The following ZNF507 variants were observed in gnomAD, a reference collection of about 807,000 sequenced individuals.
The protein encoded by ZNF507 is zinc finger protein 507.
A neutral mutation model predicts 80.0 loss-of-function variants in ZNF507; 29 were observed. The observed-to-expected ratio is 0.36, with a 90% CI of 0.27 to 0.49. ZNF507 has a LOEUF of 0.49. ZNF507 is among the 20% of genes least tolerant of loss of function. ZNF507 has a pLI of 0.98. For synonymous variants in ZNF507, 462 were observed against 422.5 expected (o/e 1.09, Z -1.15); for missense variants, 1,081 against 1,152.2 (o/e 0.94, Z 0.90).
chr19:32,364,229 A>G (rs1405129363), intron 5 of ZNF507, among the ~76,000 whole-genome samples: 1 of 152,222 alleles, frequency 6.6e-6, no homozygotes, highest in Non-Finnish European at 1.5e-5. Context: ...AAATGACATC[A>G]TTCTATCCCA....
chr19:32,376,231 A>G (rs1330146983), intron 5 of ZNF507, among the ~76,000 whole-genome samples: 1 of 152,178 alleles, frequency 6.6e-6, no homozygotes, highest in Non-Finnish European at 1.5e-5. Flanking sequence ...TAATGGTTAT[A>G]TCTAGTGATA....
intron 5 of ZNF507, among the ~76,000 whole-genome samples, chr19:32,371,534 G>C (rs1206250473): frequency 2.6e-5 from 4 of 151,742 alleles, no homozygotes; most frequent in African/African-American, 9.7e-5. Flanking sequence ...CTTATCTCTG[G>C]AAAGGAAGGG....
At position 32,353,482 on chromosome 19, in the gene ZNF507, G is replaced by A. The variant is rs769922258; in HGVS notation, c.652G>A (p.Val218Met). ...NETIPDIPVS[V>M]DNLQTHTVQT... ...AACCATTCCAGATATCCCAGTAAGT[G>A]TGGACAATCTACAGACTCATACTGT... Residue 218 changes from valine to methionine, a missense_variant, in exon 3 of 7, where the codon GTG (valine) becomes ATG (methionine). Val to Met is a conservative substitution (Grantham distance 21). This residue lies in a region of ZNF507 where 275 missense variants were observed against 303.9 expected (regional missense o/e 0.90). Transcript: ENST00000355898. 1.2e-6 allele frequency: 2 copies of A among 1,614,100 alleles called. No individual in the cohort carries two copies. Among genetic ancestry groups the A allele is most frequent in the Non-Finnish European group, 1.7e-6 (2 of 1,180,054 alleles).
At position 32,352,951 on chromosome 19, in the gene ZNF507, C is replaced by G. The variant is rs1415224368; in HGVS notation, c.121C>G (p.Pro41Ala). 1 of 1,614,112 alleles carries G rather than the reference C, an allele frequency of 6.2e-7. No homozygotes were observed. Among genetic ancestry groups the G allele is most frequent in the Admixed American group, 1.7e-5 (1 of 60,020 alleles). The change falls in exon 3 of 7, where the codon CCA (proline) becomes GCA (alanine). Residue 41 changes from proline to alanine, a missense_variant. Physicochemically the swap from Pro to Ala is conservative, Grantham distance 27. Around this residue, in one of 6 missense-constraint regions of ZNF507, gnomAD observed 275 missense variants for 303.9 expected, o/e 0.90. Transcript: ENST00000355898. Reference sequence around the variant, plus strand: ...AATTGATGAACAAAGAAAAACTAAACCAGATCCATTAATCCATGTTATCCA... The same window carrying G: ...AATTGATGAACAAAGAAAAACTAAAGCAGATCCATTAATCCATGTTATCCA... Reference protein sequence around the residue: ...LEIDEQRKTKPDPLIHVIQKL... With the variant: ...LEIDEQRKTKADPLIHVIQKL...
chr19:32,360,692 A>C, intron 5 of ZNF507, 74 bp downstream of exon 5: 1 of 770,292 alleles, frequency 1.3e-6, no homozygotes, highest in Non-Finnish European at 1.9e-6. Flanking sequence ...ATGAAATAAA[A>C]ATGTATAGCA....
chr19:32,372,197 T>C (rs1967483280), intron 5 of ZNF507, among the ~76,000 whole-genome samples: 1 of 152,130 alleles, frequency 6.6e-6, no homozygotes, highest in African/African-American at 2.4e-5. Context: ...GGATTAAAAA[T>C]CTATAGTATG....
At chr19:32,352,774 T>C in intron 2 of ZNF507, 55 bp from the exon 3 acceptor site, 1 of 1,445,482 alleles carries the variant, frequency 6.9e-7, no homozygotes, top group South Asian at 1.4e-5. Context: ...CCAAATTACA[T>C]GCCTGTAATT....
At chr19:32,349,675 G>A (rs1967138137) in intron 2 of ZNF507, among the ~76,000 whole-genome samples, 1 of 152,112 alleles carries the variant, frequency 6.6e-6, no homozygotes, top group African/African-American at 2.4e-5. Flanking sequence ...CTGCATTAGT[G>A]GTCTAAATAA....
chr19:32,372,903 A>G (rs912879300), intron 5 of ZNF507, among the ~76,000 whole-genome samples: 92 of 152,218 alleles, frequency 6.0e-4, no homozygotes, highest in African/African-American at 1.8e-3. Flanking sequence ...TCAGGCTGCT[A>G]TAACAAAGTG....
intron 2 of ZNF507, among the ~76,000 whole-genome samples, chr19:32,350,021 A>G (rs1265573495): frequency 6.6e-6 from 1 of 152,158 alleles, no homozygotes; most frequent in Non-Finnish European, 1.5e-5. Context: ...AGCCACTGAC[A>G]TTGTATGTAT....
chr19:32,363,800 G>A (rs753574471), intron 5 of ZNF507, among the ~76,000 whole-genome samples: 1 of 152,170 alleles, frequency 6.6e-6, no homozygotes, highest in Non-Finnish European at 1.5e-5. Context: ...AATTAATTCT[G>A]TGCCAGGGTA....
intron 5 of ZNF507, among the ~76,000 whole-genome samples, chr19:32,370,898 G>T (rs1416560880): frequency 6.6e-6 from 1 of 152,130 alleles, no homozygotes; most frequent in Non-Finnish European, 1.5e-5. Flanking sequence ...TGAGTTGATT[G>T]CTGTGGATGA....
intron 5 of ZNF507, among the ~76,000 whole-genome samples, chr19:32,369,365 G>A (rs190763778): frequency 1.2e-3 from 177 of 152,322 alleles, no homozygotes; most frequent in Middle Eastern, 3.4e-3. Flanking sequence ...TTGAATAATT[G>A]AGTCCCAAAT....
At position 32,386,219 on chromosome 19, in the gene ZNF507, G is replaced by A. The variant is rs12596; in HGVS notation, c.*3136G>A. ...GTTCTGGATCTTTCTTCCTATTGAA[G>A]GTGGCTGCTGGTGGCTTCATAATTT... is the stretch of plus-strand genomic sequence containing the variant. On this transcript the variant is annotated 3_prime_UTR_variant, in exon 7 of 7. Coordinates refer to ENST00000355898, the MANE Select transcript of ZNF507 (RefSeq NM_001136156.2). 59,942 of 152,480 alleles carry A rather than the reference G, an allele frequency of 0.39. 13,647 individuals are homozygous for A. The highest frequency in any genetic ancestry group is 0.53 in the Non-Finnish European group (36,239 of 67,956). 9.4% of individuals were successfully genotyped at this position (152,480 alleles called of 1,614,324 possible).
At chr19:32,363,782 CAAA>C (rs1361992901) in intron 5 of ZNF507, among the ~76,000 whole-genome samples, 1 of 152,114 alleles carries the variant, frequency 6.6e-6, no homozygotes, top group Admixed American at 6.5e-5. Context: ...ACTAGGGAAA[CAAA>C]GAAGAATTAA....
chr19:32,355,885 G>C (rs1649218773), intron 3 of ZNF507, among the ~76,000 whole-genome samples: 1 of 152,134 alleles, frequency 6.6e-6, no homozygotes, highest in Non-Finnish European at 1.5e-5. Flanking sequence ...TGTAGTCCCA[G>C]CTACTCGGGA....
intron 2 of ZNF507, among the ~76,000 whole-genome samples, chr19:32,348,397 A>G (rs892042366): frequency 3.3e-5 from 5 of 152,208 alleles, no homozygotes; most frequent in African/African-American, 1.2e-4. Context: ...ATATAAACAC[A>G]GAAAATTACA....
At chr19:32,351,405 C>T (rs866075603) in intron 2 of ZNF507, among the ~76,000 whole-genome samples, 105 of 133,364 alleles carry the variant, frequency 7.9e-4, no homozygotes, top group Middle Eastern at 4.0e-3. Flanking sequence ...CGACCTGGCA[C>T]TGAAGCTGGT....
intron 2 of ZNF507, among the ~76,000 whole-genome samples, chr19:32,351,509 A>ATG (rs1276792306): frequency 1.2e-3 from 8 of 6,448 alleles, no homozygotes; most frequent in Non-Finnish European, 1.7e-3. Flanking sequence ...GTTTGTGTAT[A>ATG]TGTGTGTGTG....
Sources: gnomAD v4.1 joint callset for allele counts (sites outside exome capture counted in the v4.1 genomes callset) on GRCh38, gnomAD v4.1.1 for gene constraint, gnomAD v4.1.1 regional missense constraint, MANE v1.5 for transcripts, NCBI Gene and HGNC (gene_info 2026-07-23, HGNC 2026-07-21) for gene names.